Variants in ALAS2 observed in about 807,000 individuals in gnomAD.
ALAS2 encodes the protein 5'-aminolevulinate synthase 2.
In ALAS2, 3 loss-of-function variants were observed where a neutral mutation model predicts 33.7. The ratio of observed to expected loss-of-function variants is 0.09; its 90% confidence interval spans 0.04 to 0.23. The LOEUF (loss-of-function observed/expected upper bound fraction) is 0.23. ALAS2 is among the 10% of genes least tolerant of loss of function. The pLI is 1.00. For missense variants in ALAS2, 304 were observed against 475.1 expected, an observed-to-expected ratio of 0.64 and a Z score of 3.35; for synonymous variants, 191 against 177.3, an observed-to-expected ratio of 1.08 and a Z score of -0.61.
At chrX:55,028,708 C>T (rs1935936328) in intron 1 of ALAS2, among the ~76,000 whole-genome samples, 1 of 111,884 alleles carries the variant, frequency 8.9e-6, no homozygotes, top group Non-Finnish European at 1.9e-5. Context: ...CTCTGCCTCA[C>T]TCTGCCTGGC....
intron 2 of ALAS2, 138 bp from the exon 3 acceptor site, chrX:55,024,978 C>G (rs1935868652): frequency 6.0e-6 from 5 of 839,537 alleles, no homozygotes; most frequent in Admixed American, 2.3e-5. Context: ...GAGTCTGGTC[C>G]CTGTGCTAGG....
At chrX:55,024,608 C>T (rs1408577042) in intron 3 of ALAS2, 110 bp downstream of exon 3, 1 of 1,066,213 alleles carries the variant, frequency 9.4e-7, no homozygotes, top group African/African-American at 1.8e-5. Flanking sequence ...CTGGACTTCT[C>T]ATCATGGGAT....
intron 4 of ALAS2, among the ~76,000 whole-genome samples, chrX:55,023,091 C>A (rs1935832241): frequency 1.8e-5 from 2 of 110,847 alleles, no homozygotes. Context: ...CCATACTATA[C>A]CCATGACATA....
rs192236735 is a variant in ALAS2 at position 55,025,135 on chromosome X, G to C, written c.182-295C>G. On this transcript the variant is annotated intron_variant, in intron 2 of 10. Coordinates refer to ENST00000650242, the MANE Select transcript of ALAS2 (RefSeq NM_000032.5). ...ATTAGACAGTTTGGAGGTCTAAGCA[G>C]GCTTTGCAGAGGAGATGATGGCCAA... 3.6e-5 allele frequency among the ~76,000 whole-genome samples: 4 copies of C among 111,311 alleles called. No homozygotes were observed. In the East Asian group the frequency reaches 1.1e-3, roughly 32 times the overall value.
At position 55,009,342 on chromosome X, in the gene ALAS2, C is replaced by T. The variant is rs753553547; in HGVS notation, c.1602G>A (p.Glu534=). 4.2e-6 allele frequency: 5 copies of T among 1,197,429 alleles called. No homozygotes were observed. The Admixed American group carries it at 9.1e-5, about 22-fold the overall frequency. ...HSPQMMEDFV[E]KLLLAWTAVG... is the part of the protein sequence containing the mutation. ...CCGCAGTCCAAGCCAGCAGCAGCTT[C>T]TCTGAAGGTGGTAGGGGGAGGGGAG... Residue 534 remains glutamate, a splice_region_variant and synonymous_variant, in exon 11 of 11, where the codon GAG becomes GAA. Coordinates refer to ENST00000650242, the MANE Select transcript of ALAS2 (RefSeq NM_000032.5).
At chrX:55,017,457 A>G (rs753891357) in intron 7 of ALAS2, 29 bp downstream of exon 7, 25 of 1,162,411 alleles carry the variant, frequency 2.2e-5, no homozygotes, top group East Asian at 6.0e-5. Context: ...GACCAACACT[A>G]GTAAACATAC....
intron 8 of ALAS2, among the ~76,000 whole-genome samples, chrX:55,015,261 TG>T (rs1935679449): frequency 9.3e-6 from 1 of 108,063 alleles, no homozygotes; most frequent in Non-Finnish European, 1.9e-5. Flanking sequence ...GACCTTTAGC[TG>T]GATAGGGTCA....
At chrX:55,027,943 G>C (rs1935919650) in intron 1 of ALAS2, 1 of 521,883 alleles carries the variant, frequency 1.9e-6, no homozygotes, top group Admixed American at 2.8e-5. Flanking sequence ...TTGGCACATA[G>C]TAAATCTTCA....
At chrX:55,016,023 G>A (rs1323580805) in intron 7 of ALAS2, among the ~76,000 whole-genome samples, 6 of 104,238 alleles carry the variant, frequency 5.8e-5, no homozygotes, top group Non-Finnish European at 7.9e-5. Context: ...GTGTGTGTGC[G>A]CATGTGTGTG....
intron 1 of ALAS2, among the ~76,000 whole-genome samples, chrX:55,028,355 G>A (rs1016631284): frequency 2.2e-4 from 24 of 111,154 alleles, no homozygotes; most frequent in Non-Finnish European, 3.6e-4. Context: ...GGATGGCCCA[G>A]AAGTGCAGGC....
In ALAS2 at chrX:55,014,830, G is replaced by T. The variant is rs137852311; in HGVS notation, c.1354C>A (p.Arg452Ser). The change falls in exon 9 of 11, where the codon CGC becomes AGC. Residue 452 changes from arginine to serine, a missense_variant. Arg to Ser is a moderately radical substitution (Grantham distance 110). Coordinates refer to ENST00000650242, the MANE Select transcript of ALAS2 (RefSeq NM_000032.5). ...AGCTGGCGCATGTGCTTGACATTGC[G>T]CTGGTGGGCTCGCCTCAGGGCTTGG... ...EGQALRRAHQ[R>S]NVKHMRQLLM... The T allele has an allele frequency of 1.7e-6, 2 of 1,203,105 alleles. No individual in the cohort carries two copies. The highest frequency in any genetic ancestry group is 3.5e-5 in the African/African-American group (2 of 57,225).
chrX:55,030,178 G>A (rs758646522), intron 1 of ALAS2, among the ~76,000 whole-genome samples: 6 of 111,494 alleles, frequency 5.4e-5, no homozygotes, highest in Non-Finnish European at 7.5e-5. Flanking sequence ...ACTAGAAAGG[G>A]TGGTGGAAAT....
chrX:55,020,849 A>G (rs1935792819), intron 5 of ALAS2, among the ~76,000 whole-genome samples: 1 of 112,237 alleles, frequency 8.9e-6, no homozygotes, highest in South Asian at 3.7e-4. Context: ...CTTCCCCTCC[A>G]TAGCATTGGA....
chrX:55,024,236 T>A (rs924109478), intron 3 of ALAS2, among the ~76,000 whole-genome samples: 6 of 112,119 alleles, frequency 5.4e-5, no homozygotes, highest in African/African-American at 1.6e-4. Flanking sequence ...TCCTTAATGA[T>A]ATCCCAAAGG....
At position 55,024,935 on chromosome X, in the gene ALAS2, A is replaced by G. The variant is rs1402237127; in HGVS notation, c.182-95T>C. ...AGATCTAATGTACCCCTAAAGCCCTATCTCAGGCTATTGTAGAGACACAGA... is the reference window on the plus strand; with the variant it reads ...AGATCTAATGTACCCCTAAAGCCCTGTCTCAGGCTATTGTAGAGACACAGA... On this transcript the variant is annotated intron_variant, in intron 2 of 10. Coordinates refer to ENST00000650242, the MANE Select transcript of ALAS2 (RefSeq NM_000032.5). 4.6e-6 allele frequency: 5 copies of G among 1,079,102 alleles called. No homozygotes were observed. The African/African-American group carries it at 5.5e-5, about 12-fold the overall frequency. 88.9% of individuals were successfully genotyped at this position (1,079,102 alleles called of 1,213,427 possible).
At chrX:55,025,742 C>T in intron 2 of ALAS2, 78 bp downstream of exon 2, 1 of 1,030,037 alleles carries the variant, frequency 9.7e-7, no homozygotes, top group Non-Finnish European at 1.4e-6. Context: ...AATTATTAGG[C>T]AAAGATGGCC....
intron 9 of ALAS2, among the ~76,000 whole-genome samples, chrX:55,014,097 C>T (rs1935656153): frequency 9.0e-6 from 1 of 111,589 alleles, no homozygotes. Flanking sequence ...ACAAAATTGT[C>T]ACAAATAAGT....
At chrX:55,029,831 C>T (rs73490424) in intron 1 of ALAS2, among the ~76,000 whole-genome samples, 2,389 of 111,494 alleles carry the variant, frequency 0.021, 74 homozygotes, top group African/African-American at 0.073. Flanking sequence ...TTTTTCCCTA[C>T]GACTTTAAAA....
At chrX:55,030,905 A>G (rs1452492934) in intron 1 of ALAS2, 37 bp downstream of exon 1, 1 of 338,715 alleles carries the variant, frequency 3.0e-6, no homozygotes, top group Non-Finnish European at 5.9e-6. Context: ...CAGCTGGCAG[A>G]CCAGAGATAG....
Sources: allele counts gnomAD v4.1 joint callset (sites outside exome capture counted in the v4.1 genomes callset), GRCh38; gene constraint gnomAD v4.1.1; transcripts MANE v1.5; gene names NCBI Gene and HGNC (gene_info 2026-07-23, HGNC 2026-07-21).